CASTOR2: variants seen among roughly 807,000 people sequenced by gnomAD.
CASTOR2 encodes the protein GATS protein like 2.
A neutral mutation model predicts 31.2 loss-of-function variants in CASTOR2; 8 were observed. That is an observed-to-expected ratio of 0.26 (90% confidence interval 0.15 to 0.46). The LOEUF is 0.46. Among genes scored for constraint, CASTOR2 ranks in the 20% least tolerant of loss-of-function variants. CASTOR2 has a pLI of 0.99. For missense variants in CASTOR2, 216 were observed against 382.1 expected, an observed-to-expected ratio of 0.57 and a Z score of 3.62; for synonymous variants, 162 against 158.7, an observed-to-expected ratio of 1.02 and a Z score of -0.16.
chr7:75,001,743 C>T (rs1222163440), intron 1 of CASTOR2, among the ~76,000 whole-genome samples: 11 of 152,158 alleles, frequency 7.2e-5, no homozygotes, highest in African/African-American at 1.7e-4. Flanking sequence ...GGTGTGTGTA[C>T]GGAGGACCCT....
At chr7:74,990,044 A>T (rs1343852059) in intron 1 of CASTOR2, among the ~76,000 whole-genome samples, 19 of 152,212 alleles carry the variant, frequency 1.2e-4, no homozygotes, top group Non-Finnish European at 2.2e-4. Flanking sequence ...TTAAAAAAAA[A>T]TACACATCTA....
chr7:75,004,966 A>G (rs1444122052), intron 1 of CASTOR2, among the ~76,000 whole-genome samples: 2 of 151,946 alleles, frequency 1.3e-5, no homozygotes, highest in Non-Finnish European at 2.9e-5. Flanking sequence ...CCCGGGTTCA[A>G]GTGAGTCTTC....
chr7:74,983,811 A>AG (rs1349776897), intron 1 of CASTOR2, among the ~76,000 whole-genome samples: 1 of 150,848 alleles, frequency 6.6e-6, no homozygotes, highest in African/African-American at 2.4e-5. Flanking sequence ...TTTTGAAGAC[A>AG]GGGTCTCGCT....
Position 75,020,032 on chromosome 7 carries a change from T to C in CASTOR2, c.636-7T>C. 6.4e-7 allele frequency: 1 copy of C among 1,551,018 alleles called. No homozygotes were observed. Among genetic ancestry groups the C allele is most frequent in the Non-Finnish European group, 8.7e-7 (1 of 1,146,646 alleles). On this transcript the variant is annotated splice_polypyrimidine_tract_variant and splice_region_variant and intron_variant, in intron 5 of 8. Transcript: ENST00000616305. ...CCCCATCTTTACCAGCTGCCTCTGGTCCCCAGAGTGAAGGACCCCATGGCC... is the reference window on the plus strand; with the variant it reads ...CCCCATCTTTACCAGCTGCCTCTGGCCCCCAGAGTGAAGGACCCCATGGCC...
intron 1 of CASTOR2, among the ~76,000 whole-genome samples, chr7:74,997,995 T>G (rs1298047036): frequency 1.3e-5 from 2 of 152,126 alleles, no homozygotes; most frequent in Non-Finnish European, 2.9e-5. Flanking sequence ...CGGATCCTCT[T>G]GTCTGTGTCT....
intron 2 of CASTOR2, among the ~76,000 whole-genome samples, chr7:75,010,910 T>A (rs1192912330): frequency 1.3e-5 from 2 of 151,904 alleles, no homozygotes; most frequent in Non-Finnish European, 2.9e-5. Context: ...TGGAGTGCAG[T>A]GGCGTGATCT....
intron 1 of CASTOR2, among the ~76,000 whole-genome samples, chr7:74,983,593 T>G (rs587763799): frequency 0.016 from 2,387 of 151,556 alleles, 95 homozygotes; most frequent in African/African-American, 0.053. Context: ...GGGTTGGCTG[T>G]GAGTCGTGTG....
chr7:74,988,425 G>C (rs1443707345), intron 1 of CASTOR2, among the ~76,000 whole-genome samples: 1 of 152,112 alleles, frequency 6.6e-6, no homozygotes, highest in Non-Finnish European at 1.5e-5. Context: ...AGCCTCCCGG[G>C]TAGCTGGGAC....
rs1805266742 is a variant in CASTOR2 at position 75,030,343 on chromosome 7, TG to T, written c.*5645del. Among the ~76,000 whole-genome samples the T allele has an allele frequency of 6.6e-6, 1 of 152,152 alleles. No homozygotes were observed. The highest frequency in any genetic ancestry group is 1.5e-5 in the Non-Finnish European group (1 of 68,026). ...TATTTTGAGTTCTCAGTAGCAGTCT[TG>T]TTGTCAGGCCTTGAGTGCAGAAATG... On this transcript the variant is annotated 3_prime_UTR_variant, in exon 9 of 9. Coordinates refer to ENST00000616305, the MANE Select transcript of CASTOR2 (RefSeq NM_001145064.3).
chr7:75,013,770 C>T (rs1458184889), intron 2 of CASTOR2, among the ~76,000 whole-genome samples: 1 of 152,104 alleles, frequency 6.6e-6, no homozygotes, highest in Non-Finnish European at 1.5e-5. Context: ...CTCTGTCACC[C>T]CGGTTGGAGT....
intron 1 of CASTOR2, among the ~76,000 whole-genome samples, chr7:74,986,132 G>GT (rs1804058918): frequency 6.6e-6 from 1 of 151,980 alleles, no homozygotes; most frequent in African/African-American, 2.4e-5. Context: ...GTTTCGCCAC[G>GT]TTGGCCAGGC....
chr7:75,016,892 C>T (rs1202364318), intron 2 of CASTOR2, among the ~76,000 whole-genome samples: 3 of 152,218 alleles, frequency 2.0e-5, no homozygotes, highest in East Asian at 1.9e-4. Flanking sequence ...GAAGGCTGGG[C>T]GCAGTGGCTC....
At chr7:75,009,490 G>A (rs1187296460) in intron 2 of CASTOR2, among the ~76,000 whole-genome samples, 24 of 151,494 alleles carry the variant, frequency 1.6e-4, no homozygotes, top group East Asian at 5.8e-4. Flanking sequence ...GGATGGTCTC[G>A]ATCTCCTGAC....
chr7:75,021,202 GGCT>G (rs1804993398), intron 6 of CASTOR2, among the ~76,000 whole-genome samples: 1 of 152,006 alleles, frequency 6.6e-6, no homozygotes, highest in South Asian at 2.1e-4. Context: ...ATGTTGGCCA[GGCT>G]GCTCGTGAAC....
At chr7:75,023,477 G>GT (rs1227555733) in intron 7 of CASTOR2, among the ~76,000 whole-genome samples, 800 of 44,704 alleles carry the variant, frequency 0.018, 1 homozygote, top group Non-Finnish European at 0.022. Flanking sequence ...TTTGTTTTTT[G>GT]TTTTTTTTTT....
chr7:75,019,831 C>T (rs1030221065), intron 5 of CASTOR2, among the ~76,000 whole-genome samples: 13 of 152,200 alleles, frequency 8.5e-5, no homozygotes, highest in South Asian at 2.1e-4. Context: ...GGAGGCCGGC[C>T]GGGCCTCCAG....
At chr7:75,003,763 A>AAAC (rs1287439516) in intron 1 of CASTOR2, among the ~76,000 whole-genome samples, 2 of 151,776 alleles carry the variant, frequency 1.3e-5, no homozygotes, top group African/African-American at 4.8e-5. Context: ...AAAAAACAGA[A>AAAC]AACAACAACA....
At position 74,996,071 on chromosome 7, in the gene CASTOR2, G is replaced by A. The variant is rs1161921899; in HGVS notation, c.114-11923G>A. Among the ~76,000 whole-genome samples the A allele has an allele frequency of 3.7e-3, 561 of 152,254 alleles. 2 individuals carry two copies. The highest frequency in any genetic ancestry group is 5.6e-3 in the Non-Finnish European group (382 of 68,024). The stretch of plus-strand genomic sequence containing the variant: ...TAGGAAATCTGGGGTGTGTGTTGGG[G>A]TGCTGAGCGTGGCAGAGGGGCAGGG... On this transcript the variant is annotated intron_variant, in intron 1 of 8. Transcript: ENST00000616305.
At chr7:75,015,804 C>T (rs1804850746) in intron 2 of CASTOR2, among the ~76,000 whole-genome samples, 2 of 152,070 alleles carry the variant, frequency 1.3e-5, no homozygotes, top group Admixed American at 6.6e-5. Flanking sequence ...CGGTGGCTCA[C>T]GATTGTAATC....
Sources: gnomAD v4.1 joint callset for allele counts (sites outside exome capture counted in the v4.1 genomes callset) on GRCh38, gnomAD v4.1.1 for gene constraint, MANE v1.5 for transcripts, NCBI Gene and HGNC (gene_info 2026-07-23, HGNC 2026-07-21) for gene names.